The following ARFIP1 variants were observed in gnomAD, a reference collection of about 807,000 sequenced individuals.
The protein encoded by ARFIP1 is ARF interacting protein 1.
ARFIP1 carries 24 observed loss-of-function variants against 42.5 expected under a neutral mutation model. The observed-to-expected ratio is 0.57, with a 90% CI of 0.41 to 0.80. ARFIP1 has a LOEUF of 0.80. Among genes scored for constraint, ARFIP1 ranks in the 30% least tolerant of loss-of-function variants. The probability of loss-of-function intolerance (pLI) is 0.00; values close to 1 mark genes in which losing one functional copy is unlikely to be tolerated. For synonymous variants in ARFIP1, 141 were observed against 153.7 expected (o/e 0.92, Z 0.61); for missense variants, 354 against 434.0 (o/e 0.82, Z 1.64).
At chr4:152,847,121 G>GTTTTTTTTTTT (rs1561139273) in intron 2 of ARFIP1, among the ~76,000 whole-genome samples, 7 of 48,164 alleles carry the variant, frequency 1.5e-4, no homozygotes, top group African/African-American at 2.4e-4. Context: ...TTTTAGGTTT[G>GTTTTTTTTTTT]TTCTTTTTTT....
intron 5 of ARFIP1, among the ~76,000 whole-genome samples, chr4:152,879,641 G>A (rs746986720): frequency 6.6e-6 from 1 of 152,144 alleles, no homozygotes; most frequent in African/African-American, 2.4e-5. Context: ...CTTGAGGTCA[G>A]GAGTTCGAGA....
At chr4:152,817,788 G>A (rs149375239) in intron 1 of ARFIP1, among the ~76,000 whole-genome samples, 2 of 152,132 alleles carry the variant, frequency 1.3e-5, no homozygotes, top group East Asian at 3.9e-4. Context: ...TTTTAAAATG[G>A]GCAAAGGACT....
Position 152,834,465 on chromosome 4 carries a change from G to C in ARFIP1, c.93+4739G>C, listed in dbSNP as rs539182623. 6.6e-5 allele frequency among the ~76,000 whole-genome samples: 10 copies of C among 152,336 alleles called. 1 individual carries two copies. The Middle Eastern group carries it at 0.01, about 155-fold the overall frequency. ...TATTTACTCCCAAGATACAATGGTA[G>C]TACCGGTATTAGGTATACATTCCCA... On this transcript the variant is annotated intron_variant, in intron 2 of 8. Transcript: ENST00000353617.
chr4:152,875,043 C>T (rs115859924), intron 5 of ARFIP1, among the ~76,000 whole-genome samples: 2,001 of 152,146 alleles, frequency 0.013, 55 homozygotes, highest in African/African-American at 0.045. Flanking sequence ...TTAATTTCTT[C>T]GGTTTCTATT....
At position 152,863,627 on chromosome 4, in the gene ARFIP1, T is replaced by G; in HGVS notation, c.115T>G (p.Ser39Ala). 1.9e-6 allele frequency: 3 copies of G among 1,603,840 alleles called. No individual in the cohort carries two copies. In the South Asian group the frequency reaches 3.3e-5, roughly 18 times the overall value. The stretch of plus-strand genomic sequence containing the variant: ...TAAGGATTTGAAGCATTCATTACCA[T>G]CTGGACTTGGTCTCTCAGAAACCCA... ...FNRDLKHSLP[S>A]GLGLSETQIT... Residue 39 changes from serine (S) to alanine (A), a missense_variant, in exon 3 of 9, where the codon TCT becomes GCT. Physicochemically the swap from Ser to Ala is moderately conservative, Grantham distance 99. Transcript: ENST00000353617.
intron 2 of ARFIP1, among the ~76,000 whole-genome samples, chr4:152,856,549 CG>C (rs1733452996): frequency 1.3e-5 from 2 of 152,126 alleles, no homozygotes; most frequent in Admixed American, 6.5e-5. Context: ...TTAAAGTATA[CG>C]GGGAGGATGT....
chr4:152,870,843 C>G lies in ARFIP1; in HGVS notation c.293C>G (p.Pro98Arg), dbSNP rs1002305933. 1 of 1,611,804 alleles carries G rather than the reference C, an allele frequency of 6.2e-7. No individual in the cohort carries two copies. The highest frequency in any genetic ancestry group is 1.3e-5 in the African/African-American group (1 of 74,982). ...CAGCAAGGAAGTGATTTAATTGTTC[C>G]TGCAGGTATTCACTGCACTGATTGG... ...LAQQGSDLIV[P>R]AGGQRTQTKS... Residue 98 changes from proline to arginine, a missense_variant, in exon 4 of 9, where the codon CCT (proline) becomes CGT (arginine). By Grantham distance (103) the Pro-to-Arg change is moderately radical. Transcript: ENST00000353617.
At chr4:152,814,677 C>T (rs1729732073) in intron 1 of ARFIP1, among the ~76,000 whole-genome samples, 1 of 152,158 alleles carries the variant, frequency 6.6e-6, no homozygotes, top group African/African-American at 2.4e-5. Flanking sequence ...GGGCAACAGA[C>T]TGGGACCCTG....
At chr4:152,814,580 T>C (rs1729725787) in intron 1 of ARFIP1, among the ~76,000 whole-genome samples, 1 of 152,148 alleles carries the variant, frequency 6.6e-6, no homozygotes, top group South Asian at 2.1e-4. Context: ...TAGCCAGGCA[T>C]GGTGGCACAC....
chr4:152,818,066 A>C (rs941039203), intron 1 of ARFIP1, among the ~76,000 whole-genome samples: 2 of 152,244 alleles, frequency 1.3e-5, no homozygotes, highest in African/African-American at 4.8e-5. Context: ...AAAAATTAAA[A>C]ATAGTTCTTT....
chr4:152,792,980 T>C (rs1054022420), intron 1 of ARFIP1, among the ~76,000 whole-genome samples: 1 of 152,114 alleles, frequency 6.6e-6, no homozygotes, highest in Admixed American at 6.6e-5. Context: ...CCCCCAGAGA[T>C]GACTTAATGA....
At chr4:152,852,126 A>G (rs1225701285) in intron 2 of ARFIP1, among the ~76,000 whole-genome samples, 1 of 152,234 alleles carries the variant, frequency 6.6e-6, no homozygotes, top group African/African-American at 2.4e-5. Context: ...CCATTTTATT[A>G]TACACTTGTT....
chr4:152,813,419 C>T (rs776228898), intron 1 of ARFIP1, among the ~76,000 whole-genome samples: 1 of 152,066 alleles, frequency 6.6e-6, no homozygotes, highest in Admixed American at 6.6e-5. Context: ...TGTTTTTATG[C>T]TTCTCTACTC....
chr4:152,847,244 T>C (rs1284405711), intron 2 of ARFIP1, among the ~76,000 whole-genome samples: 1 of 149,640 alleles, frequency 6.7e-6, no homozygotes, highest in Non-Finnish European at 1.5e-5. Context: ...GCTGTTCTCC[T>C]GCCTCAGCCT....
chr4:152,791,317 C>T (rs1402224397), intron 1 of ARFIP1, among the ~76,000 whole-genome samples: 2 of 152,082 alleles, frequency 1.3e-5, no homozygotes, highest in African/African-American at 4.8e-5. Context: ...GAACTGTCAT[C>T]AGAAAACAAA....
intron 1 of ARFIP1, among the ~76,000 whole-genome samples, chr4:152,781,234 CTTTTTTTTT>C (rs535397594): frequency 1.7e-5 from 2 of 118,922 alleles, no homozygotes; most frequent in African/African-American, 3.2e-5. Flanking sequence ...TTTCTTTTTT[CTTTTTTTTT>C]TTTTTTTTTT....
intron 1 of ARFIP1, among the ~76,000 whole-genome samples, chr4:152,793,327 G>GAC (rs1731242468): frequency 7.0e-6 from 1 of 143,734 alleles, no homozygotes; most frequent in Admixed American, 7.0e-5. Context: ...AAAAAAAAAT[G>GAC]ATATATATAT....
In ARFIP1 at chr4:152,905,232, A is replaced by T. The variant is rs6847294; in HGVS notation, c.967-4832A>T. Among the ~76,000 whole-genome samples, 650 of 152,324 alleles carry T rather than the reference A, an allele frequency of 4.3e-3. 4 individuals carry two copies. Among genetic ancestry groups the T allele is most frequent in the African/African-American group, 0.015 (608 of 41,568 alleles). ...TAGGAGTGGAATAATTGTGTTACAT[A>T]GTAGCTGCATGTAAGGTTTTAAGAA... On this transcript the variant is annotated intron_variant, in intron 8 of 8. Coordinates refer to ENST00000353617, the MANE Select transcript of ARFIP1 (RefSeq NM_001025595.3).
At chr4:152,817,423 T>C (rs1729988670) in intron 1 of ARFIP1, among the ~76,000 whole-genome samples, 1 of 152,166 alleles carries the variant, frequency 6.6e-6, no homozygotes, top group African/African-American at 2.4e-5. Context: ...AAAAGAATGA[T>C]GTTGGACTCT....
Sources: allele counts gnomAD v4.1 joint callset (sites outside exome capture counted in the v4.1 genomes callset), GRCh38; gene constraint gnomAD v4.1.1; transcripts MANE v1.5; gene names NCBI Gene and HGNC (gene_info 2026-07-23, HGNC 2026-07-21).